The following GPC2 variants were observed in gnomAD, a reference collection of about 807,000 sequenced individuals.
The protein encoded by GPC2 is glypican 2.
Under a neutral mutation model 57.3 loss-of-function variants are expected in GPC2, and 42 were observed. The observed-to-expected ratio is 0.73, with a 90% CI of 0.57 to 0.95. The LOEUF is 0.95. GPC2 is among the 40% of genes least tolerant of loss of function. GPC2 has a pLI of 0.00. For missense variants in GPC2, 745 were observed against 793.6 expected, an observed-to-expected ratio of 0.94 and a Z score of 0.74; for synonymous variants, 364 against 343.4, an observed-to-expected ratio of 1.06 and a Z score of -0.66.
intron 4 of GPC2, 90 bp from the exon 5 acceptor site, chr7:100,174,087 C>T: frequency 4.1e-6 from 5 of 1,211,650 alleles, no homozygotes; most frequent in East Asian, 2.7e-5. Flanking sequence ...AAATCACATA[C>T]CCCACCCTAC....
rs1799178008 is a variant in GPC2, at chr7:100,171,559, C to T, written c.1290G>A (p.Trp430Ter). ...ADASLEAAPC[W>*]TGAGRGRYLP... ...CTCACCGGCCCCGCCCGGCTCCGGTCCAGCAGGGCGCCGCCTCCAGCGAGG... is the reference window on the plus strand; with the variant it reads ...CTCACCGGCCCCGCCCGGCTCCGGTTCAGCAGGGCGCCGCCTCCAGCGAGG... Residue 430 changes from tryptophan to a stop codon, truncating the protein, a stop_gained, in exon 8 of 10, where the codon TGG (tryptophan) becomes TGA (stop). Transcript: ENST00000292377. LOFTEE classifies it high-confidence loss of function. This position sits in a 1 kb window ranked among gnomAD's most constrained non-coding sequence, Gnocchi z 4.8. 3 of 1,487,100 alleles carry T rather than the reference C, an allele frequency of 2.0e-6. No individual in the cohort carries two copies. The highest frequency in any genetic ancestry group is 2.7e-6 in the Non-Finnish European group (3 of 1,128,544). 92.1% of individuals were successfully genotyped at this position (1,487,100 alleles called of 1,614,324 possible).
At chr7:100,176,653 C>T (rs554285100) in intron 1 of GPC2, among the ~76,000 whole-genome samples, 2 of 152,182 alleles carry the variant, frequency 1.3e-5, no homozygotes, top group East Asian at 1.9e-4. Context: ...CCCCAGACCT[C>T]GAGGGACTTG....
intron 9 of GPC2, 111 bp from the exon 10 acceptor site, chr7:100,170,594 A>C: frequency 4.0e-6 from 4 of 999,098 alleles, no homozygotes; most frequent in Non-Finnish European, 5.5e-6. Flanking sequence ...GGAGGGAGAC[A>C]CAGGTGGATG....
In GPC2 at chr7:100,174,858, T is replaced by G. The variant is rs992798599; in HGVS notation, c.649-93A>C. 1.8e-5 allele frequency: 17 copies of G among 929,438 alleles called. No homozygotes were observed. The African/African-American group carries it at 2.5e-4, about 13-fold the overall frequency. 57.6% of individuals were successfully genotyped at this position (929,438 alleles called of 1,614,324 possible). The stretch of plus-strand genomic sequence containing the variant: ...GAGACTGCATCAAGAGCAGTGAGGG[T>G]TGGGTGTGTGGGGTTCTCTCAGAGT... On this transcript the variant is annotated intron_variant, in intron 3 of 9. Transcript: ENST00000292377.
In GPC2 at chr7:100,175,558, T is replaced by A; in HGVS notation, c.648+14A>T. On this transcript the variant is annotated intron_variant, in intron 3 of 9. Coordinates refer to ENST00000292377, the MANE Select transcript of GPC2 (RefSeq NM_152742.3). ...GTCAGAAGTGGTTGAAGCTCAGGCC[T>A]CAGGATCCCTCACCTGCAGGCGGAG... is the stretch of plus-strand genomic sequence containing the variant. The A allele has an allele frequency of 6.3e-7, 1 of 1,595,324 alleles. No homozygotes were observed. The highest frequency in any genetic ancestry group is 1.7e-5 in the Admixed American group (1 of 57,288).
intron 5 of GPC2, among the ~76,000 whole-genome samples, chr7:100,172,809 A>G (rs987643898): frequency 6.1e-5 from 9 of 148,208 alleles, no homozygotes; most frequent in Admixed American, 1.4e-4. Context: ...ATATGTGTGT[A>G]TATATATACG....
At chr7:100,172,014 C>G (rs1314524923) in intron 6 of GPC2, 73 bp downstream of exon 6, 1 of 1,589,634 alleles carries the variant, frequency 6.3e-7, no homozygotes, top group South Asian at 1.1e-5. Flanking sequence ...CTTCCCAGAT[C>G]CCCTATACTG....
Position 100,175,678 on chromosome 7 carries a change from T to C in GPC2, c.542A>G (p.Gln181Arg), listed in dbSNP as rs1202271723. ...CAGGTAGTCAGGGGGGAAGCTGTAC[T>C]GTGGGTGCAGCAGCGGGAACACTCT... is the stretch of plus-strand genomic sequence containing the variant. ...LERVFPLLHP[Q>R]YSFPPDYLLC... The change falls in exon 3 of 10, where the codon CAG becomes CGG. Residue 181 changes from glutamine (Q) to arginine (R), a missense_variant. Coordinates refer to ENST00000292377, the MANE Select transcript of GPC2 (RefSeq NM_152742.3). 4 of 1,613,782 alleles carry C rather than the reference T, an allele frequency of 2.5e-6. No individual in the cohort carries two copies. The African/African-American group carries it at 5.3e-5, about 22-fold the overall frequency.
chr7:100,172,683 G>A (rs1465661770), intron 5 of GPC2, among the ~76,000 whole-genome samples: 2 of 103,620 alleles, frequency 1.9e-5, no homozygotes, highest in Non-Finnish European at 4.8e-5. Context: ...GTGTGTGTGT[G>A]TGTATATATA....
At chr7:100,173,786 C>T (rs1799224762) in intron 5 of GPC2, 49 bp downstream of exon 5, 2 of 1,440,082 alleles carry the variant, frequency 1.4e-6, no homozygotes, top group East Asian at 2.6e-5. Context: ...GCTGTGATTA[C>T]AGGTGTGAGC....
intron 5 of GPC2, 99 bp from the exon 6 acceptor site, chr7:100,172,316 G>T: frequency 1.5e-6 from 2 of 1,324,966 alleles, no homozygotes; most frequent in Non-Finnish European, 2.1e-6. Context: ...AAGCAGCAAA[G>T]TGTTTGGGGG....
rs911702528 is a variant in GPC2 at position 100,171,265 on chromosome 7, G to T, written c.1482C>A (p.Asp494Glu). 55 of 1,532,378 alleles carry T rather than the reference G, an allele frequency of 3.6e-5. No individual in the cohort carries two copies. Among genetic ancestry groups the T allele is most frequent in the Non-Finnish European group, 4.7e-5 (54 of 1,138,594 alleles). The allele number at this position is 1,532,378 out of a possible 1,614,324, so 94.9% of individuals were successfully genotyped here. A position where few individuals can be genotyped will look rare whatever the true frequency, so the allele number is the denominator to read the frequency against. The change falls in exon 9 of 10, where the codon GAC becomes GAA. Residue 494 changes from aspartate to glutamate, a missense_variant. Physicochemically the swap from Asp to Glu is conservative, Grantham distance 45. Coordinates refer to ENST00000292377, the MANE Select transcript of GPC2 (RefSeq NM_152742.3). This position sits in a 1 kb window ranked among gnomAD's most constrained non-coding sequence, Gnocchi z 4.8. The part of the protein sequence containing the change: ...AALGHDLDGQ[D>E]ADEDASGSGG... Reference sequence around the variant, plus strand: ...TCAGGGATGCAGGGGTCTCACCCGCGTCCTGCCCGTCCAGGTCGTGTCCCA... The same window carrying T: ...TCAGGGATGCAGGGGTCTCACCCGCTTCCTGCCCGTCCAGGTCGTGTCCCA...
chr7:100,176,084 T>C, intron 2 of GPC2, 123 bp downstream of exon 2: 1 of 129,100 alleles, frequency 7.7e-6, no homozygotes, highest in Non-Finnish European at 1.0e-5. Flanking sequence ...GTCTGGGGGG[T>C]GGGCGGGCTG....
rs772603045 is a variant in GPC2, at chr7:100,177,076, G to T, written c.124C>A (p.Arg42=). 7 of 1,609,832 alleles carry T rather than the reference G, an allele frequency of 4.3e-6. No homozygotes were observed. The highest frequency in any genetic ancestry group is 5.9e-6 in the Non-Finnish European group (7 of 1,179,256). The stretch of plus-strand genomic sequence containing the variant: ...GGGATTAGGTTTAAGCTATATCCCC[G>T]GGCCCCCAGCACCTGCCGGGTCTCT... ...CAETRQVLGA[R]GYSLNLIPPA... is the part of the protein sequence containing the mutation. Residue 42 remains arginine (R), a synonymous_variant, in exon 1 of 10, where the codon CGG becomes AGG. Transcript: ENST00000292377.
chr7:100,176,993 C>T (rs758470065), intron 1 of GPC2, 41 bp downstream of exon 1: 6 of 255,276 alleles, frequency 2.4e-5, no homozygotes, highest in Non-Finnish European at 4.7e-5. Flanking sequence ...CCCGCCCCCG[C>T]CCCCCACCCC....
At chr7:100,173,171 C>T (rs1039811649) in intron 5 of GPC2, among the ~76,000 whole-genome samples, 9 of 152,088 alleles carry the variant, frequency 5.9e-5, no homozygotes, top group East Asian at 1.9e-4. Context: ...CATGCCCAGC[C>T]GGCCAAGCTG....
Position 100,176,223 on chromosome 7 carries a change from C to T in GPC2, c.309G>A (p.Arg103=), listed in dbSNP as rs759973805. The change falls in exon 2 of 10, where the codon AGG becomes AGA. Residue 103 remains arginine (R), a synonymous_variant. Coordinates refer to ENST00000292377, the MANE Select transcript of GPC2 (RefSeq NM_152742.3). ...GSFLVHTLAA[R]HRKFDEFFLE... Reference sequence around the variant, plus strand: ...GGTCCTCACCATCAAATTTTCTGTGCCTGGCAGCCAGTGTGTGAACCAGAA... The same window carrying T: ...GGTCCTCACCATCAAATTTTCTGTGTCTGGCAGCCAGTGTGTGAACCAGAA... 1.2e-6 allele frequency: 2 copies of T among 1,610,190 alleles called. No homozygotes were observed. Among genetic ancestry groups the T allele is most frequent in the Admixed American group, 3.4e-5 (2 of 59,336 alleles).
At chr7:100,174,143 G>T in intron 4 of GPC2, 146 bp from the exon 5 acceptor site, 1 of 638,642 alleles carries the variant, frequency 1.6e-6, no homozygotes, top group Non-Finnish European at 2.6e-6. Context: ...GATTGTCACA[G>T]ATCTGAGGAG....
intron 3 of GPC2, 63 bp downstream of exon 3, chr7:100,175,509 G>A: frequency 1.5e-6 from 2 of 1,328,654 alleles, no homozygotes; most frequent in Non-Finnish European, 2.1e-6. Flanking sequence ...GGAGGTGAGT[G>A]GTGCACAGTT....
Sources: allele counts gnomAD v4.1 joint callset (sites outside exome capture counted in the v4.1 genomes callset), GRCh38; gene constraint gnomAD v4.1.1; non-coding constraint Gnocchi (gnomAD v3.1); transcripts MANE v1.5; gene names NCBI Gene and HGNC (gene_info 2026-07-23, HGNC 2026-07-21).